The following CCBE1 variants were observed in gnomAD, a reference collection of about 807,000 sequenced individuals.
CCBE1 encodes the protein collagen and calcium binding EGF domains 1.
In CCBE1, 37 loss-of-function variants were observed where a neutral mutation model predicts 50.0. The observed-to-expected ratio is 0.74, with a 90% CI of 0.57 to 0.97. The LOEUF (loss-of-function observed/expected upper bound fraction) is 0.97, where lower values mean the gene tolerates loss of function less well. Among genes scored for constraint, CCBE1 ranks in the 50% least tolerant of loss-of-function variants. CCBE1 has a pLI of 0.00. For synonymous variants in CCBE1, 234 were observed against 203.7 expected (o/e 1.15, Z -1.27); for missense variants, 538 against 523.8 (o/e 1.03, Z -0.26).
At chr18:59,605,961 C>A (rs867885915) in intron 2 of CCBE1, among the ~76,000 whole-genome samples, 1 of 152,146 alleles carries the variant, frequency 6.6e-6, no homozygotes, top group Non-Finnish European at 1.5e-5. Flanking sequence ...CAAGAGAAAT[C>A]GCGATGCTCG....
intron 2 of CCBE1, among the ~76,000 whole-genome samples, chr18:59,575,201 C>T (rs1407586511): frequency 6.6e-6 from 1 of 152,148 alleles, no homozygotes; most frequent in Non-Finnish European, 1.5e-5. Context: ...GCCTCTAGAA[C>T]TATGAGACAA....
chr18:59,453,528 ATCAGAG>A (rs1911037731), intron 6 of CCBE1, among the ~76,000 whole-genome samples: 1 of 152,204 alleles, frequency 6.6e-6, no homozygotes, highest in African/African-American at 2.4e-5. Flanking sequence ...AGATCACGTC[ATCAGAG>A]TCGTAAAAAA....
intron 10 of CCBE1, among the ~76,000 whole-genome samples, chr18:59,436,470 G>A (rs1269825626): frequency 1.3e-5 from 2 of 152,280 alleles, no homozygotes; most frequent in South Asian, 2.1e-4. Flanking sequence ...GCAGAGCAGT[G>A]GTTAAGAGAC....
At chr18:59,666,414 G>A (rs17066128) in intron 2 of CCBE1, among the ~76,000 whole-genome samples, 123 of 152,096 alleles carry the variant, frequency 8.1e-4, no homozygotes, top group Admixed American at 3.6e-3. Flanking sequence ...ATGGCTTGTC[G>A]GTGAAAGTTC....
In CCBE1 at chr18:59,431,260, GT is replaced by G. The variant is rs1220884112; in HGVS notation, c.*4647del. 6.6e-6 allele frequency: 1 copy of G among 152,202 alleles called. No individual in the cohort carries two copies. Among genetic ancestry groups the G allele is most frequent in the African/African-American group, 2.4e-5 (1 of 41,440 alleles). 9.4% of individuals were successfully genotyped at this position (152,202 alleles called of 1,614,324 possible). On this transcript the variant is annotated 3_prime_UTR_variant, in exon 11 of 11. Transcript: ENST00000439986. ...GCCTTAACAATTACAGTCATGGTGT[GT>G]TTTGTTTTCCAAATGGAAAATTATT...
At chr18:59,538,275 C>A (rs948363656) in intron 2 of CCBE1, among the ~76,000 whole-genome samples, 3 of 152,210 alleles carry the variant, frequency 2.0e-5, no homozygotes, top group African/African-American at 7.2e-5. Context: ...ATATGTTCAT[C>A]TTCAGTTGCC....
intron 2 of CCBE1, among the ~76,000 whole-genome samples, chr18:59,513,114 C>T (rs1305728078): frequency 6.6e-6 from 1 of 152,116 alleles, no homozygotes; most frequent in African/African-American, 2.4e-5. Flanking sequence ...TCGAGACCAG[C>T]CCAGCCAACA....
intron 10 of CCBE1, 116 bp from the exon 11 acceptor site, chr18:59,436,257 A>T (rs1361865087): frequency 2.4e-5 from 21 of 869,070 alleles, no homozygotes; most frequent in Non-Finnish European, 3.4e-5. Flanking sequence ...CTGTGCCCCA[A>T]ATGGAGCCAA....
chr18:59,469,037 C>T (rs1172186243), intron 4 of CCBE1, among the ~76,000 whole-genome samples: 1 of 152,192 alleles, frequency 6.6e-6, no homozygotes, highest in Non-Finnish European at 1.5e-5. Context: ...AGGCTCTGCT[C>T]AGCTGCAGCC....
Position 59,466,825 on chromosome 18 carries a change from C to T in CCBE1, c.467G>A (p.Ser156Asn). ...GCCTTCCCGGCACTCGCAGCGGTAG[C>T]TGCCCAAGGTATTGATGCAGATGTG... ...CAHICINTLG[S>N]YRCECREGYI... The change falls in exon 5 of 11, where the codon AGC (serine) becomes AAC (asparagine). Residue 156 changes from serine to asparagine, a missense_variant. Coordinates refer to ENST00000439986, the MANE Select transcript of CCBE1 (RefSeq NM_133459.4). 6.2e-7 allele frequency: 1 copy of T among 1,613,786 alleles called. No homozygotes were observed. The highest frequency in any genetic ancestry group is 8.5e-7 in the Non-Finnish European group (1 of 1,179,922).
chr18:59,636,035 C>T (rs1172264065), intron 2 of CCBE1, among the ~76,000 whole-genome samples: 1 of 152,048 alleles, frequency 6.6e-6, no homozygotes, highest in Admixed American at 6.5e-5. Context: ...CACCTGTAGT[C>T]CCAGCTACTC....
chr18:59,615,779 C>A (rs1464247510), intron 2 of CCBE1, among the ~76,000 whole-genome samples: 1 of 152,124 alleles, frequency 6.6e-6, no homozygotes, highest in East Asian at 1.9e-4. Flanking sequence ...TACAAGGGAC[C>A]TTTGTTTTGT....
At chr18:59,615,870 T>C (rs1465839094) in intron 2 of CCBE1, among the ~76,000 whole-genome samples, 2 of 152,156 alleles carry the variant, frequency 1.3e-5, no homozygotes, top group Non-Finnish European at 2.9e-5. Context: ...AGGTTGAAAG[T>C]AAGCAAGCAC....
intron 2 of CCBE1, among the ~76,000 whole-genome samples, chr18:59,626,174 T>A (rs1318601453): frequency 2.0e-5 from 3 of 152,222 alleles, no homozygotes; most frequent in African/African-American, 4.8e-5. Context: ...TTAGTATCTA[T>A]TTTGCTTTAA....
chr18:59,533,834 G>C (rs1915141105), intron 2 of CCBE1, among the ~76,000 whole-genome samples: 1 of 152,174 alleles, frequency 6.6e-6, no homozygotes, highest in Admixed American at 6.5e-5. Flanking sequence ...TATCAATGCT[G>C]TATGTGCATA....
At chr18:59,438,519 C>A (rs553279531) in intron 9 of CCBE1, among the ~76,000 whole-genome samples, 1 of 152,316 alleles carries the variant, frequency 6.6e-6, no homozygotes, top group South Asian at 2.1e-4. Context: ...AAGAATGGAG[C>A]ATCTCCTGTT....
chr18:59,691,432 G>A lies in CCBE1; in HGVS notation c.212+5197C>T, dbSNP rs149832546. 1.6e-3 allele frequency among the ~76,000 whole-genome samples: 243 copies of A among 152,234 alleles called. 2 individuals are homozygous for A. Among genetic ancestry groups the A allele is most frequent in the African/African-American group, 5.6e-3 (234 of 41,548 alleles). On this transcript the variant is annotated intron_variant, in intron 2 of 10. Transcript: ENST00000439986. ...TGTTTGTTTGTTTTTGTTAGATGGA[G>A]TCTCGCTCTGTTGCCCAGGCTGGAG...
intron 2 of CCBE1, among the ~76,000 whole-genome samples, chr18:59,682,255 G>C (rs2054600100): frequency 6.6e-6 from 1 of 152,106 alleles, no homozygotes; most frequent in South Asian, 2.1e-4. Context: ...CCAGCTACTG[G>C]GGAGGCTGAG....
intron 3 of CCBE1, among the ~76,000 whole-genome samples, chr18:59,473,278 AT>A (rs1431257480): frequency 1.3e-5 from 2 of 152,166 alleles, no homozygotes; most frequent in East Asian, 3.8e-4. Flanking sequence ...TTGCCTCAGA[AT>A]TTTGAAGGCA....
Sources: allele counts gnomAD v4.1 joint callset (sites outside exome capture counted in the v4.1 genomes callset), GRCh38; gene constraint gnomAD v4.1.1; transcripts MANE v1.5; gene names NCBI Gene and HGNC (gene_info 2026-07-23, HGNC 2026-07-21).